Variants in ANKRD44 observed in about 807,000 individuals in gnomAD.
ANKRD44 encodes the protein serine/threonine-protein phosphatase 6 regulatory ankyrin repeat subunit B.
A neutral mutation model predicts 116.0 loss-of-function variants in ANKRD44; 35 were observed. The observed-to-expected ratio is 0.30, with a 90% CI of 0.23 to 0.40. The LOEUF (loss-of-function observed/expected upper bound fraction) is 0.40, where lower values mean the gene tolerates loss of function less well. Ranked by LOEUF, ANKRD44 falls within the 10% of genes least tolerant of loss-of-function variation. The pLI is 1.00. For synonymous variants in ANKRD44, 435 were observed against 461.8 expected, an observed-to-expected ratio of 0.94 and a Z score of 0.74; for missense variants, 1,014 against 1,242.6, an observed-to-expected ratio of 0.82 and a Z score of 2.77.
intron 2 of ANKRD44, among the ~76,000 whole-genome samples, chr2:197,154,380 C>CTTGTT (rs2125463468): frequency 6.6e-6 from 1 of 151,682 alleles, no homozygotes; most frequent in East Asian, 1.9e-4. Context: ...GGGGTTTCAC[C>CTTGTT]ATGTTAGCCA....
intron 8 of ANKRD44, among the ~76,000 whole-genome samples, chr2:197,118,615 A>AAG (rs57255941): frequency 1.1e-3 from 83 of 76,436 alleles, no homozygotes; most frequent in African/African-American, 5.9e-3. Flanking sequence ...GAGAGAAAGA[A>AAG]AGAGAGAGAG....
chr2:197,032,744 AG>A (rs1161572156), intron 16 of ANKRD44, among the ~76,000 whole-genome samples: 1 of 152,194 alleles, frequency 6.6e-6, no homozygotes, highest in Admixed American at 6.5e-5. Flanking sequence ...TCCCCATGCC[AG>A]GCACTGAGAT....
intron 1 of ANKRD44, among the ~76,000 whole-genome samples, chr2:197,236,176 C>G (rs2081973588): frequency 6.6e-6 from 1 of 152,198 alleles, no homozygotes; most frequent in Non-Finnish European, 1.5e-5. Context: ...CTCTTCAAAG[C>G]CTTCTCAGAG....
At chr2:197,002,211 T>C (rs1029075097) in intron 21 of ANKRD44, among the ~76,000 whole-genome samples, 2 of 152,200 alleles carry the variant, frequency 1.3e-5, no homozygotes, top group African/African-American at 4.8e-5. Context: ...CCCATACAAA[T>C]ACTTCCACTT....
chr2:197,002,053 G>C (rs2076123602), intron 21 of ANKRD44, among the ~76,000 whole-genome samples: 1 of 152,138 alleles, frequency 6.6e-6, no homozygotes, highest in East Asian at 1.9e-4. Context: ...AAACAATGAA[G>C]GTCATATGGT....
chr2:197,274,016 T>G (rs1489867239), intron 1 of ANKRD44, among the ~76,000 whole-genome samples: 2 of 91,360 alleles, frequency 2.2e-5, no homozygotes, highest in African/African-American at 8.8e-5. Flanking sequence ...TATATATATA[T>G]ATATATATAT....
chr2:197,101,134 T>C lies in ANKRD44; in HGVS notation c.986-1204A>G, dbSNP rs148430570. ...TCCCCAAACTGTGCTTTATAATAGT[T>C]ATCTTGTTGTTTTAATCCAGGATCC... On this transcript the variant is annotated intron_variant, in intron 9 of 27. Transcript: ENST00000282272. Among the ~76,000 whole-genome samples the C allele has an allele frequency of 5.9e-5, 9 of 152,306 alleles. No homozygotes were observed. In the East Asian group the frequency reaches 1.7e-3, roughly 29 times the overall value.
chr2:197,098,148 C>G (rs1244538327), intron 10 of ANKRD44, among the ~76,000 whole-genome samples: 1 of 152,178 alleles, frequency 6.6e-6, no homozygotes, highest in African/African-American at 2.4e-5. Context: ...CTCTCTCACT[C>G]TGTTCCCACA....
At position 197,203,980 on chromosome 2, in the gene ANKRD44, A is replaced by T. The variant is rs900480943; in HGVS notation, c.28-16874T>A. On this transcript the variant is annotated intron_variant, in intron 1 of 27. Coordinates refer to ENST00000282272, the MANE Select transcript of ANKRD44 (RefSeq NM_001195144.2). The surrounding 1 kb of genome is among the most constrained non-coding windows in gnomAD (Gnocchi z 4.1). ...GGAACGGGAAGTGACTGCTTCATGG[A>T]TACAGAGTTTCATTTGGGGTGGTGA... 3.2e-4 allele frequency among the ~76,000 whole-genome samples: 49 copies of T among 152,228 alleles called. No individual in the cohort carries two copies.
chr2:197,046,260 T>C (rs2076999039), intron 16 of ANKRD44, among the ~76,000 whole-genome samples: 2 of 152,218 alleles, frequency 1.3e-5, no homozygotes, highest in South Asian at 2.1e-4. Context: ...TGAATCTTTA[T>C]GAATATTCAC....
At chr2:197,169,016 G>A (rs2080164899) in intron 2 of ANKRD44, among the ~76,000 whole-genome samples, 1 of 152,142 alleles carries the variant, frequency 6.6e-6, no homozygotes, top group Non-Finnish European at 1.5e-5. Flanking sequence ...GTGCACCTAA[G>A]TGGAATCCAA....
chr2:197,101,280 C>T (rs1320115700), intron 9 of ANKRD44, among the ~76,000 whole-genome samples: 1 of 151,588 alleles, frequency 6.6e-6, no homozygotes, highest in African/African-American at 2.4e-5. Context: ...GAGCCCAAAT[C>T]ACGAGTTGTG....
chr2:197,093,621 A>G (rs1003901611), intron 10 of ANKRD44, among the ~76,000 whole-genome samples: 22 of 152,264 alleles, frequency 1.4e-4, no homozygotes, highest in Non-Finnish European at 3.1e-4. Context: ...TCAAATAGTA[A>G]AACTAAGTTT....
At chr2:197,310,413 G>A (rs1437896137) in intron 1 of ANKRD44, among the ~76,000 whole-genome samples, 165 bp downstream of exon 1, 1 of 147,334 alleles carries the variant, frequency 6.8e-6, no homozygotes. Context: ...GCGGAGGGGA[G>A]CTGCCGCCGC....
chr2:197,016,141 G>C (rs1574280842), intron 17 of ANKRD44: 2 of 321,396 alleles, frequency 6.2e-6, no homozygotes, highest in East Asian at 7.9e-5. Flanking sequence ...CCACAGGAAT[G>C]ATCATCCATA....
intron 1 of ANKRD44, among the ~76,000 whole-genome samples, chr2:197,236,015 T>G (rs1465419377): frequency 6.6e-6 from 1 of 152,168 alleles, no homozygotes; most frequent in African/African-American, 2.4e-5. Context: ...CAAATGAATC[T>G]AAGCATAACT....
chr2:197,185,415 C>G (rs1167159371), intron 2 of ANKRD44, among the ~76,000 whole-genome samples: 1 of 152,218 alleles, frequency 6.6e-6, no homozygotes, highest in Non-Finnish European at 1.5e-5. Flanking sequence ...CAGACGTAAT[C>G]CACCTCCCTG....
At chr2:197,283,091 G>T (rs2083312095) in intron 1 of ANKRD44, among the ~76,000 whole-genome samples, 2 of 152,188 alleles carry the variant, frequency 1.3e-5, no homozygotes, top group Admixed American at 1.3e-4. Context: ...ATGTATGTTT[G>T]TATAAGCTTC....
Position 197,304,301 on chromosome 2 carries a change from G to A in ANKRD44, c.27+6277C>T, listed in dbSNP as rs555364326. 2.6e-5 allele frequency among the ~76,000 whole-genome samples: 4 copies of A among 152,248 alleles called. No individual in the cohort carries two copies. The East Asian group carries it at 7.7e-4, about 29-fold the overall frequency. ...TATACTCCAGCCTGGGAAACAGAGC[G>A]AGACTCTGTCCCAAAAAAATAAAAA... On this transcript the variant is annotated intron_variant, in intron 1 of 27. Transcript: ENST00000282272.
Sources: gnomAD v4.1 joint callset for allele counts (sites outside exome capture counted in the v4.1 genomes callset) on GRCh38, gnomAD v4.1.1 for gene constraint, Gnocchi (gnomAD v3.1) non-coding constraint, MANE v1.5 for transcripts, NCBI Gene and HGNC (gene_info 2026-07-23, HGNC 2026-07-21) for gene names.